The following NCOR1 variants were observed in gnomAD, a reference collection of about 807,000 sequenced individuals.
NCOR1 encodes the protein protein phosphatase 1, regulatory subunit 109.
NCOR1 carries 63 observed loss-of-function variants against 288.1 expected under a neutral mutation model. The observed-to-expected ratio is 0.22, with a 90% CI of 0.18 to 0.27. The LOEUF is 0.27. Among genes scored for constraint, NCOR1 ranks in the 10% least tolerant of loss-of-function variants. NCOR1 has a pLI of 1.00. For synonymous variants in NCOR1, 1,007 were observed against 1,065.9 expected (o/e 0.94, Z 1.08); for missense variants, 2,397 against 3,019.2 (o/e 0.79, Z 4.83).
intron 23 of NCOR1, among the ~76,000 whole-genome samples, chr17:16,083,573 G>T (rs142477515): frequency 0.01 from 1,568 of 150,996 alleles, 19 homozygotes; most frequent in Middle Eastern, 0.027. Flanking sequence ...CAGCAGATGG[G>T]TGGTTCATGG....
At chr17:16,119,366 C>CT in intron 17 of NCOR1, 57 bp downstream of exon 17, 1 of 1,293,038 alleles carries the variant, frequency 7.7e-7, no homozygotes, top group South Asian at 1.3e-5. Flanking sequence ...TCACTCATTA[C>CT]TAATAACCCT....
rs185477146 is a variant in NCOR1, at chr17:16,175,193, C to T, written c.243-3198G>A. 3.8e-3 allele frequency among the ~76,000 whole-genome samples: 571 copies of T among 152,162 alleles called. 6 individuals carry two copies. Among genetic ancestry groups the T allele is most frequent in the African/African-American group, 0.013 (538 of 41,508 alleles). ...ACCAGCCTGACCAACAAGGTGAAAGCCCGTCTCTACAAAAAAATACAAATG... is the reference window on the plus strand; with the variant it reads ...ACCAGCCTGACCAACAAGGTGAAAGTCCGTCTCTACAAAAAAATACAAATG... On this transcript the variant is annotated intron_variant, in intron 3 of 45. Transcript: ENST00000268712.
intron 19 of NCOR1, 62 bp downstream of exon 19, chr17:16,108,724 T>G: frequency 6.8e-7 from 1 of 1,468,532 alleles, no homozygotes; most frequent in Non-Finnish European, 9.2e-7. Flanking sequence ...CACAGTCAAA[T>G]GACTAAAAAT....
At chr17:16,073,669 A>C in intron 27 of NCOR1, 100 bp from the exon 28 acceptor site, 1 of 981,082 alleles carries the variant, frequency 1.0e-6, no homozygotes, top group Non-Finnish European at 1.3e-6. Flanking sequence ...AAATAATAAT[A>C]TTAAAACTTG....
chr17:16,125,053 A>T (rs2073766119), intron 15 of NCOR1, among the ~76,000 whole-genome samples: 1 of 152,250 alleles, frequency 6.6e-6, no homozygotes, highest in African/African-American at 2.4e-5. Flanking sequence ...CAACTTAATC[A>T]TGTAACTATT....
intron 19 of NCOR1, among the ~76,000 whole-genome samples, chr17:16,103,219 A>C: frequency 6.6e-6 from 1 of 152,174 alleles, no homozygotes; most frequent in Non-Finnish European, 1.5e-5. Flanking sequence ...AACAGAGACC[A>C]AGAAGTCATC....
At position 16,164,970 on chromosome 17, in the gene NCOR1, G is replaced by C. The variant is rs2153441436; in HGVS notation, c.618+9C>G. On this transcript the variant is annotated intron_variant, in intron 5 of 45. Transcript: ENST00000268712. The stretch of plus-strand genomic sequence containing the variant: ...ACATTCTTAGAATATATTAAGCAAA[G>C]ACATTTACTTGTTTCTTTTTCAGTT... 1 of 1,544,894 alleles carries C rather than the reference G, an allele frequency of 6.5e-7. No homozygotes were observed. Among genetic ancestry groups the C allele is most frequent in the Non-Finnish European group, 8.7e-7 (1 of 1,145,722 alleles).
rs1425549571 is a variant in NCOR1, at chr17:16,035,031, A to G, written c.6956-87T>C. On this transcript the variant is annotated intron_variant, in intron 44 of 45. Transcript: ENST00000268712. Reference sequence around the variant, plus strand: ...TAATGATTATATATTGCTAAATGAAAAAAAAGCAGAATGGTAACATGAAGA... The same window carrying G: ...TAATGATTATATATTGCTAAATGAAGAAAAAGCAGAATGGTAACATGAAGA... 5 of 1,258,120 alleles carry G rather than the reference A, an allele frequency of 4.0e-6. No homozygotes were observed. In the African/African-American group the frequency reaches 6.1e-5, roughly 15 times the overall value. 77.9% of individuals were successfully genotyped at this position (1,258,120 alleles called of 1,614,324 possible).
At chr17:16,051,210 TGAA>T (rs2059272071) in intron 40 of NCOR1, among the ~76,000 whole-genome samples, 2 of 152,202 alleles carry the variant, frequency 1.3e-5, no homozygotes, top group South Asian at 4.1e-4. Flanking sequence ...TTTTTAAAAA[TGAA>T]GAAATTAGCA....
chr17:16,214,859 G>A (rs2092417724), intron 1 of NCOR1, among the ~76,000 whole-genome samples: 1 of 152,180 alleles, frequency 6.6e-6, no homozygotes. Context: ...CCCAGCCTTC[G>A]CCATTACACC....
At chr17:16,081,055 G>A (rs1430723597) in intron 23 of NCOR1, among the ~76,000 whole-genome samples, 2 of 151,564 alleles carry the variant, frequency 1.3e-5, no homozygotes, top group African/African-American at 2.4e-5. Flanking sequence ...TATTCATTCC[G>A]ACTAAAAATG....
intron 9 of NCOR1, 83 bp downstream of exon 9, chr17:16,149,368 C>G: frequency 1.6e-6 from 1 of 635,474 alleles, no homozygotes; most frequent in Non-Finnish European, 2.6e-6. Context: ...GGACCACTCT[C>G]ATTAACAGTA....
chr17:16,191,734 C>T (rs2088384335), intron 2 of NCOR1: 3 of 151,918 alleles, frequency 2.0e-5, no homozygotes, highest in African/African-American at 7.3e-5. Flanking sequence ...AAACAATGGC[C>T]CCAAACTGCT....
chr17:16,117,822 A>G lies in NCOR1; in HGVS notation c.2055+66T>C, dbSNP rs1479341073. The G allele has an allele frequency of 2.0e-5, 30 of 1,520,988 alleles. 1 individual carries two copies. In the East Asian group the frequency reaches 6.6e-4, roughly 34 times the overall value. 94.2% of individuals were successfully genotyped at this position (1,520,988 alleles called of 1,614,324 possible). A position where few individuals can be genotyped will look rare whatever the true frequency, so the allele number is the denominator to read the frequency against. On this transcript the variant is annotated intron_variant, in intron 18 of 45. Coordinates refer to ENST00000268712, the MANE Select transcript of NCOR1 (RefSeq NM_006311.4). ...GGGTGATAGAGTGAGACTCCATCTCAAACAACAACAACAACACTCTAAGTA... is the reference window on the plus strand; with the variant it reads ...GGGTGATAGAGTGAGACTCCATCTCGAACAACAACAACAACACTCTAAGTA...
intron 42 of NCOR1, among the ~76,000 whole-genome samples, chr17:16,041,496 C>G (rs1445369428): frequency 6.7e-6 from 1 of 148,962 alleles, no homozygotes; most frequent in Admixed American, 6.7e-5. Context: ...TCACTGCAAC[C>G]TCTGCCTCCT....
Position 16,139,037 on chromosome 17 carries a change from A to C in NCOR1, c.1323T>G (p.Thr441=), listed in dbSNP as rs1199741927. 1 of 1,587,514 alleles carries C rather than the reference A, an allele frequency of 6.3e-7. No individual in the cohort carries two copies. Among genetic ancestry groups the C allele is most frequent in the Admixed American group, 1.8e-5 (1 of 56,544 alleles). ...CCTTAAAGATCTCCTTTTCATGGTC[A>C]GTCCAAACATTCATAAACTGCCTAT... ...YKDRQFMNVW[T]DHEKEIFKDK... is the part of the protein sequence containing the mutation. Residue 441 remains threonine (T), a synonymous_variant, in exon 12 of 46, where the codon ACT becomes ACG. Transcript: ENST00000268712.
intron 3 of NCOR1, among the ~76,000 whole-genome samples, chr17:16,185,103 C>T (rs887786262): frequency 6.7e-6 from 1 of 148,998 alleles, no homozygotes; most frequent in Admixed American, 6.7e-5. Context: ...AATGGGGAGA[C>T]GAAAGTCAGA....
intron 3 of NCOR1, 148 bp from the exon 4 acceptor site, chr17:16,172,143 A>G: frequency 1.7e-6 from 1 of 575,912 alleles, no homozygotes; most frequent in Non-Finnish European, 2.9e-6. Context: ...TCCCACCCCC[A>G]AAGAATATAT....
chr17:16,192,033 CA>C lies in NCOR1; in HGVS notation c.108+2428del, dbSNP rs1003772123. The C allele has an allele frequency of 3.0e-3, 391 of 128,220 alleles. 5 individuals carry two copies. The highest frequency in any genetic ancestry group is 0.01 in the African/African-American group (359 of 34,560). The allele number at this position is 128,220 out of a possible 1,614,324, so 7.9% of individuals were successfully genotyped here. On this transcript the variant is annotated intron_variant, in intron 2 of 45. Coordinates refer to ENST00000268712, the MANE Select transcript of NCOR1 (RefSeq NM_006311.4). ...AGGAGGGATGAACCCACCCAGGTTA[CA>C]AAAAAAAAACAAAAAAAATGGAGCA...
Sources: gnomAD v4.1 joint callset for allele counts (sites outside exome capture counted in the v4.1 genomes callset) on GRCh38, gnomAD v4.1.1 for gene constraint, MANE v1.5 for transcripts, NCBI Gene and HGNC (gene_info 2026-07-23, HGNC 2026-07-21) for gene names.